NAALADL2: variants seen among roughly 807,000 people sequenced by gnomAD.
NAALADL2 encodes the protein N-acetylated alpha-linked acidic dipeptidase like 2, also known as inactive N-acetylated-alpha-linked acidic dipeptidase-like protein 2.
A neutral mutation model predicts 87.2 loss-of-function variants in NAALADL2; 76 were observed. The observed-to-expected ratio is 0.87, with a 90% CI of 0.72 to 1.05. The LOEUF (loss-of-function observed/expected upper bound fraction) is 1.05, where lower values mean the gene tolerates loss of function less well. Ranked by LOEUF, NAALADL2 falls within the 50% of genes least tolerant of loss-of-function variation. The pLI, the probability that NAALADL2 is intolerant of heterozygous loss-of-function variation, is 0.00. For missense variants in NAALADL2, 1,089 were observed against 945.8 expected (o/e 1.15, Z -1.99); for synonymous variants, 354 against 331.0 (o/e 1.07, Z -0.75).
At chr3:175,524,672 G>T (rs138706412) in intron 9 of NAALADL2, among the ~76,000 whole-genome samples, 2 of 151,988 alleles carry the variant, frequency 1.3e-5, no homozygotes, top group Non-Finnish European at 2.9e-5. Context: ...ACAGTTATTA[G>T]TATATTCCCT....
chr3:175,546,381 G>T (rs889819489), intron 9 of NAALADL2, among the ~76,000 whole-genome samples: 1 of 151,972 alleles, frequency 6.6e-6, no homozygotes, highest in Admixed American at 6.6e-5. Context: ...GGCATGTAGC[G>T]CATTTACATT....
At chr3:174,566,531 T>G (rs2108523606) in intron 2 of NAALADL2, among the ~76,000 whole-genome samples, 1 of 151,932 alleles carries the variant, frequency 6.6e-6, no homozygotes, top group African/African-American at 2.4e-5. Context: ...CATTTTTTAG[T>G]CATTTCTCTT....
chr3:174,808,821 T>C (rs1719814834), intron 3 of NAALADL2, among the ~76,000 whole-genome samples: 1 of 151,696 alleles, frequency 6.6e-6, no homozygotes, highest in African/African-American at 2.4e-5. Context: ...TGTGTTTGTG[T>C]GTGCACATGC....
chr3:174,756,957 ACAAAAC>A (rs1194338496), intron 3 of NAALADL2, among the ~76,000 whole-genome samples: 4 of 67,150 alleles, frequency 6.0e-5, no homozygotes, highest in Non-Finnish European at 8.6e-5. Context: ...GACAAAAAAA[ACAAAAC>A]AAAACAAAAC....
At chr3:175,284,152 A>G (rs1415979557) in intron 4 of NAALADL2, among the ~76,000 whole-genome samples, 1 of 150,750 alleles carries the variant, frequency 6.6e-6, no homozygotes, top group Non-Finnish European at 1.5e-5. Context: ...TGGAAAAGAA[A>G]ATGGCAAAGG....
At chr3:174,894,027 A>G (rs1230156329) in intron 1 of NAALADL2, among the ~76,000 whole-genome samples, 1 of 152,190 alleles carries the variant, frequency 6.6e-6, no homozygotes, top group Admixed American at 6.5e-5. Flanking sequence ...TTTCTTGTCA[A>G]TGGAAACCAA....
chr3:175,026,737 G>A (rs1358379515), intron 1 of NAALADL2, among the ~76,000 whole-genome samples: 3 of 151,942 alleles, frequency 2.0e-5, no homozygotes, highest in Admixed American at 1.3e-4. Flanking sequence ...GGTTTAAAGT[G>A]AGGGGAAAAG....
At chr3:175,629,054 G>A (rs1727392973) in intron 11 of NAALADL2, among the ~76,000 whole-genome samples, 1 of 149,974 alleles carries the variant, frequency 6.7e-6, no homozygotes, top group South Asian at 2.1e-4. Context: ...TATATAACAG[G>A]ATAGAAGTGC....
intron 1 of NAALADL2, among the ~76,000 whole-genome samples, chr3:174,978,699 C>G (rs1440784125): frequency 6.6e-6 from 1 of 152,072 alleles, no homozygotes; most frequent in African/African-American, 2.4e-5. Flanking sequence ...AAACTCTGAA[C>G]AATTATTAGT....
chr3:174,684,686 G>A (rs187253898), intron 2 of NAALADL2, among the ~76,000 whole-genome samples: 6 of 152,146 alleles, frequency 3.9e-5, no homozygotes, highest in Admixed American at 3.9e-4. Context: ...TTATGATTGT[G>A]TTCTATGACA....
chr3:175,004,376 CAAAAAAAA>C (rs538715061), intron 1 of NAALADL2, among the ~76,000 whole-genome samples: 12 of 33,850 alleles, frequency 3.5e-4, no homozygotes, highest in Admixed American at 7.7e-4. Flanking sequence ...GAGACTATTT[CAAAAAAAA>C]AAAAAAAAAA....
At chr3:174,567,172 G>T (rs913716046) in intron 2 of NAALADL2, among the ~76,000 whole-genome samples, 1 of 151,346 alleles carries the variant, frequency 6.6e-6, no homozygotes, top group South Asian at 2.1e-4. Flanking sequence ...AGATATTCTG[G>T]TTGGACATGA....
chr3:174,987,601 A>T (rs1474776619), intron 1 of NAALADL2, among the ~76,000 whole-genome samples: 1 of 142,360 alleles, frequency 7.0e-6, no homozygotes, highest in East Asian at 2.0e-4. Context: ...AAAAAAAACA[A>T]TACTCATCAG....
At chr3:174,634,047 C>G (rs1722401487) in intron 2 of NAALADL2, among the ~76,000 whole-genome samples, 1 of 152,140 alleles carries the variant, frequency 6.6e-6, no homozygotes, top group Non-Finnish European at 1.5e-5. Flanking sequence ...ATGTAAAGAT[C>G]TGGACCTTAT....
chr3:174,540,166 T>C (rs1323760366), intron 1 of NAALADL2, among the ~76,000 whole-genome samples: 3 of 151,982 alleles, frequency 2.0e-5, no homozygotes, highest in African/African-American at 7.2e-5. Context: ...GTTCACAAAA[T>C]AGAATTTATT....
intron 5 of NAALADL2, among the ~76,000 whole-genome samples, chr3:175,434,655 A>C (rs1252832441): frequency 6.6e-6 from 1 of 152,030 alleles, no homozygotes; most frequent in Admixed American, 6.6e-5. Flanking sequence ...CAAGAACAAA[A>C]CACATTCATA....
intron 1 of NAALADL2, among the ~76,000 whole-genome samples, chr3:174,543,883 C>T (rs1722487697): frequency 6.6e-6 from 1 of 151,922 alleles, no homozygotes; most frequent in East Asian, 1.9e-4. Context: ...TGGCGTGCAC[C>T]TGTAATCCCA....
At position 174,595,916 on chromosome 3, in the gene NAALADL2, G is replaced by A. The variant is rs577915804; in HGVS notation, c.-115+45279G>A. Among the ~76,000 whole-genome samples, 3 of 152,264 alleles carry A rather than the reference G, an allele frequency of 2.0e-5. No homozygotes were observed. In the South Asian group the frequency reaches 6.2e-4, roughly 32 times the overall value. ...AATCCCAGCTACTTGGGAGGCTGAG[G>A]CAGGAGAATTGCTTGAACCTGGGAG... is the stretch of plus-strand genomic sequence containing the variant. On this transcript the variant is annotated intron_variant, in intron 2 of 3. Transcript: ENST00000434257.
intron 2 of NAALADL2, among the ~76,000 whole-genome samples, chr3:175,217,667 C>G (rs1742760156): frequency 6.6e-6 from 1 of 152,136 alleles, no homozygotes; most frequent in Non-Finnish European, 1.5e-5. Context: ...CAATGGCTGA[C>G]TATAAGAAAT....
Sources: allele counts gnomAD v4.1 joint callset (sites outside exome capture counted in the v4.1 genomes callset), GRCh38; gene constraint gnomAD v4.1.1; transcripts MANE v1.5; gene names NCBI Gene and HGNC (gene_info 2026-07-23, HGNC 2026-07-21).